Variants in RBM6 observed in about 807,000 individuals in gnomAD.
RBM6 encodes the protein RNA binding motif protein 6.
A neutral mutation model predicts 140.4 loss-of-function variants in RBM6; 23 were observed. The observed-to-expected ratio is 0.16, with a 90% confidence interval of 0.12 to 0.23. The LOEUF (loss-of-function observed/expected upper bound fraction) is 0.23. Among genes scored for constraint, RBM6 ranks in the 10% least tolerant of loss-of-function variants. The pLI is 1.00. For synonymous variants in RBM6, 439 were observed against 475.6 expected, an observed-to-expected ratio of 0.92 and a Z score of 1.00; for missense variants, 1,139 against 1,386.7, an observed-to-expected ratio of 0.82 and a Z score of 2.84.
At chr3:50,024,170 T>A (rs1201662417) in intron 6 of RBM6, among the ~76,000 whole-genome samples, 1 of 152,204 alleles carries the variant, frequency 6.6e-6, no homozygotes, top group East Asian at 1.9e-4. Flanking sequence ...ATGGCTCTAT[T>A]GATGATGTAA....
intron 5 of RBM6, among the ~76,000 whole-genome samples, chr3:49,976,292 ACTT>A (rs538826387): frequency 1.0e-3 from 156 of 152,290 alleles, no homozygotes; most frequent in African/African-American, 3.5e-3. Context: ...TAACTAGATA[ACTT>A]CTTCAGAATG....
intron 5 of RBM6, among the ~76,000 whole-genome samples, chr3:49,987,553 G>A (rs900445135): frequency 6.6e-6 from 1 of 151,982 alleles, no homozygotes; most frequent in African/African-American, 2.4e-5. Context: ...CTGACCTCAA[G>A]TGATCCGCCC....
intron 7 of RBM6, among the ~76,000 whole-genome samples, chr3:50,049,191 C>G (rs1180985592): frequency 6.6e-6 from 1 of 152,088 alleles, no homozygotes; most frequent in Non-Finnish European, 1.5e-5. Context: ...TCACTACAAC[C>G]TCTGCCACCC....
chr3:49,954,846 C>A (rs1033379108), intron 1 of RBM6, among the ~76,000 whole-genome samples: 1 of 151,578 alleles, frequency 6.6e-6, no homozygotes, highest in African/African-American at 2.4e-5. Flanking sequence ...GCAAGCTCCG[C>A]CTCCCAGGTT....
chr3:50,059,019 A>T (rs1485164284), intron 10 of RBM6: 1 of 153,586 alleles, frequency 6.5e-6, no homozygotes, highest in Non-Finnish European at 1.4e-5. Flanking sequence ...TTTATTGTTC[A>T]TTCAGGTCAG....
At chr3:49,975,196 G>GT in intron 4 of RBM6, 127 bp from the exon 5 acceptor site, 1 of 801,148 alleles carries the variant, frequency 1.2e-6, no homozygotes, top group South Asian at 1.6e-5. Context: ...AGTGTTCATA[G>GT]TTTAACTTTG....
chr3:50,042,136 G>A (rs2088954129), intron 6 of RBM6, among the ~76,000 whole-genome samples: 1 of 152,210 alleles, frequency 6.6e-6, no homozygotes, highest in Admixed American at 6.5e-5. Flanking sequence ...CTGATAAACA[G>A]TACCAGTTCT....
intron 16 of RBM6, chr3:50,065,568 C>T (rs769791001): frequency 2.2e-6 from 1 of 457,386 alleles, no homozygotes; most frequent in Non-Finnish European, 4.4e-6. Flanking sequence ...ATATTGGTGC[C>T]CATTTTTTAG....
chr3:49,968,089 G>C lies in RBM6; in HGVS notation c.664G>C (p.Asp222His), dbSNP rs1389595505. Reference protein sequence around the residue: ...RSDFRNRDVSDLDFRDKDGTQ... With the variant: ...RSDFRNRDVSHLDFRDKDGTQ... ...TGATTTTAGGAATAGAGATGTATCTGATTTGGACTTTAGAGACAAAGACGG... is the reference window on the plus strand; with the variant it reads ...TGATTTTAGGAATAGAGATGTATCTCATTTGGACTTTAGAGACAAAGACGG... Residue 222 changes from aspartate (D) to histidine (H), a missense_variant, in exon 3 of 21, where the codon GAT (aspartate) becomes CAT (histidine). Asp to His is a moderately conservative substitution (Grantham distance 81, BLOSUM62 -1). Around this residue, in one of 9 missense-constraint regions of RBM6, gnomAD observed 566 missense variants for 612.7 expected, o/e 0.92. Transcript: ENST00000266022. The C allele has an allele frequency of 6.2e-7, 1 of 1,614,024 alleles. No homozygotes were observed. The highest frequency in any genetic ancestry group is 8.5e-7 in the Non-Finnish European group (1 of 1,180,026).
At chr3:50,052,888 G>A (rs891610173) in intron 7 of RBM6, among the ~76,000 whole-genome samples, 5 of 151,704 alleles carry the variant, frequency 3.3e-5, no homozygotes, top group Non-Finnish European at 5.9e-5. Flanking sequence ...ATGTTTTATT[G>A]GTGAAAGCAA....
intron 5 of RBM6, among the ~76,000 whole-genome samples, chr3:49,983,444 TG>T (rs1289701474): frequency 6.7e-6 from 1 of 148,906 alleles, no homozygotes; most frequent in African/African-American, 2.4e-5. Flanking sequence ...AGTGAGACTC[TG>T]TCTCAAAAAA....
chr3:50,008,629 A>G (rs1490480690), intron 6 of RBM6, among the ~76,000 whole-genome samples: 3 of 137,778 alleles, frequency 2.2e-5, no homozygotes, highest in Admixed American at 8.5e-5. Context: ...TCTGGGCTCA[A>G]TGCAACCTCC....
At chr3:50,056,879 A>G (rs2089724194) in intron 8 of RBM6, among the ~76,000 whole-genome samples, 1 of 152,222 alleles carries the variant, frequency 6.6e-6, no homozygotes, top group South Asian at 2.1e-4. Context: ...TTATTTGCAT[A>G]TAAAGGAGCT....
chr3:50,042,515 T>C (rs1430290240), intron 6 of RBM6, among the ~76,000 whole-genome samples: 1 of 152,136 alleles, frequency 6.6e-6, no homozygotes, highest in African/African-American at 2.4e-5. Context: ...GGAGGATCAC[T>C]TGGGCCCAGG....
chr3:50,069,365 T>G (rs2090221373), intron 18 of RBM6, among the ~76,000 whole-genome samples: 1 of 151,660 alleles, frequency 6.6e-6, no homozygotes, highest in Admixed American at 6.6e-5. Flanking sequence ...ATATAAAAAT[T>G]AGGTGGACAT....
chr3:49,984,606 A>ATCGCATCGCATCG (rs1559552659), intron 5 of RBM6, among the ~76,000 whole-genome samples: 256 of 99,150 alleles, frequency 2.6e-3, no homozygotes, highest in African/African-American at 0.01. Context: ...ACATCACATC[A>ATCGCATCGCATCG]CATCACATCG....
intron 6 of RBM6, among the ~76,000 whole-genome samples, chr3:50,007,705 T>A (rs927008449): frequency 1.3e-5 from 2 of 151,876 alleles, no homozygotes; most frequent in Admixed American, 1.3e-4. Flanking sequence ...GCTAATTTTT[T>A]TGTATTTTTA....
rs200325933 is a variant in RBM6, at chr3:49,968,558, A to G, written c.1133A>G (p.Gln378Arg). The G allele has an allele frequency of 3.7e-6, 6 of 1,614,186 alleles. No homozygotes were observed. The Admixed American group carries it at 6.7e-5, about 18-fold the overall frequency. Reference sequence around the variant, plus strand: ...TCACAGCTTTCTGGACGTGAAGAGCAGAGTTCAGATGCTGGTCTGTTTAAA... The same window carrying G: ...TCACAGCTTTCTGGACGTGAAGAGCGGAGTTCAGATGCTGGTCTGTTTAAA... ...DKSQLSGREE[Q>R]SSDAGLFKEE... The change falls in exon 3 of 21, where the codon CAG becomes CGG. Residue 378 changes from glutamine to arginine, a missense_variant. By Grantham distance (43) the Gln-to-Arg change is conservative. Transcript: ENST00000266022.
intron 18 of RBM6, 83 bp from the exon 19 acceptor site, chr3:50,070,372 A>C: frequency 1.0e-6 from 1 of 972,584 alleles, no homozygotes; most frequent in Non-Finnish European, 1.6e-6. Context: ...AAATAATAAT[A>C]ATAACAGCAA....
Sources: gnomAD v4.1 joint callset for allele counts (sites outside exome capture counted in the v4.1 genomes callset) on GRCh38, gnomAD v4.1.1 for gene constraint, gnomAD v4.1.1 regional missense constraint, MANE v1.5 for transcripts, NCBI Gene and HGNC (gene_info 2026-07-23, HGNC 2026-07-21) for gene names.